The following GPAT4 variants were observed in gnomAD, a reference collection of about 807,000 sequenced individuals.
The protein encoded by GPAT4 is 1-AGP acyltransferase 6.
GPAT4 carries 17 observed loss-of-function variants against 58.0 expected under a neutral mutation model. The ratio of observed to expected loss-of-function variants is 0.29; its 90% confidence interval spans 0.20 to 0.44. GPAT4 has a LOEUF of 0.44. Among genes scored for constraint, GPAT4 ranks in the 20% least tolerant of loss-of-function variants. The probability of loss-of-function intolerance (pLI) is 1.00; values close to 1 mark genes in which losing one functional copy is unlikely to be tolerated. For missense variants in GPAT4, 377 were observed against 574.5 expected (o/e 0.66, Z 3.51); for synonymous variants, 204 against 210.1 (o/e 0.97, Z 0.25).
Position 41,620,962 on chromosome 8 carries a change from G to A in GPAT4, c.1332G>A (p.Lys444=), listed in dbSNP as rs1803730874. The A allele has an allele frequency of 1.3e-6, 2 of 1,551,486 alleles. No homozygotes were observed. The stretch of plus-strand genomic sequence containing the variant: ...AGGAGCAGCAGAAGCTGTACAGCAA[G>A]ATGATCGTGGGGAACCACAAGGACA... The part of the protein sequence containing the change: ...FKEEQQKLYS[K]MIVGNHKDRS... Residue 444 remains lysine, a synonymous_variant, in exon 13 of 13, where the codon AAG becomes AAA. Coordinates refer to ENST00000396987, the MANE Select transcript of GPAT4 (RefSeq NM_178819.4).
At chr8:41,619,654 G>T (rs138046755) in intron 12 of GPAT4, among the ~76,000 whole-genome samples, 1 of 152,154 alleles carries the variant, frequency 6.6e-6, no homozygotes, top group African/African-American at 2.4e-5. Flanking sequence ...GACTGACAGG[G>T]GTCAATGCTG....
intron 1 of GPAT4, among the ~76,000 whole-genome samples, chr8:41,580,428 C>A (rs1482960565): frequency 6.6e-6 from 1 of 152,164 alleles, no homozygotes; most frequent in African/African-American, 2.4e-5. Context: ...GCTTCTTGGA[C>A]CATGGGTTAG....
In GPAT4 at chr8:41,609,670, A is replaced by T. The variant is rs772540537; in HGVS notation, c.251A>T (p.Asp84Val). The T allele has an allele frequency of 1.2e-6, 2 of 1,612,536 alleles. No homozygotes were observed. Among genetic ancestry groups the T allele is most frequent in the African/African-American group, 2.7e-5 (2 of 74,924 alleles). Residue 84 changes from aspartate to valine, a missense_variant, in exon 4 of 13, where the codon GAT becomes GTT. Asp to Val is a radical substitution (Grantham distance 152). Transcript: ENST00000396987. ...TCTTTTGCAGGAATCATTGCAAAGG[A>T]TCCCACTTCACTAGAAGAAGAGATC... is the stretch of plus-strand genomic sequence containing the variant. ...KPYTNGIIAKDPTSLEEEIKE... is the reference protein window; with the variant it reads ...KPYTNGIIAKVPTSLEEEIKE...
In GPAT4 at chr8:41,609,639, A is replaced by G. The variant is rs2150500767; in HGVS notation, c.236-16A>G. ...TCCCCCAGCGTGCTGCTTGACAGGGACACATTCTTTTGCAGGAATCATTGC... is the reference window on the plus strand; with the variant it reads ...TCCCCCAGCGTGCTGCTTGACAGGGGCACATTCTTTTGCAGGAATCATTGC... On this transcript the variant is annotated splice_polypyrimidine_tract_variant and intron_variant, in intron 3 of 12. Transcript: ENST00000396987. 8 of 1,608,920 alleles carry G rather than the reference A, an allele frequency of 5.0e-6. No homozygotes were observed. The highest frequency in any genetic ancestry group is 6.8e-6 in the Non-Finnish European group (8 of 1,176,480).
intron 10 of GPAT4, among the ~76,000 whole-genome samples, chr8:41,615,296 G>A (rs965768183): frequency 3.3e-5 from 5 of 152,218 alleles, no homozygotes; most frequent in African/African-American, 4.8e-5. Flanking sequence ...TGCTGCTGCC[G>A]CCACCATTCG....
In GPAT4 at chr8:41,618,906, A is replaced by G. The variant is rs769444764; in HGVS notation, c.1191A>G (p.Glu397=). The change falls in exon 12 of 13, where the codon GAA becomes GAG. Residue 397 remains glutamate (E), a synonymous_variant. Transcript: ENST00000396987. ...YLPPMTREAD[E]DAVQFANRVK... is the part of the protein sequence containing the mutation. ...TTTGTTCTTTCTTACAGGCAGATGAAGATGCTGTCCAGTTTGCGAATAGGG... is the reference window on the plus strand; with the variant it reads ...TTTGTTCTTTCTTACAGGCAGATGAGGATGCTGTCCAGTTTGCGAATAGGG... 122 of 1,614,070 alleles carry G rather than the reference A, an allele frequency of 7.6e-5. 1 individual carries two copies. The highest frequency in any genetic ancestry group is 1.8e-4 in the Admixed American group (11 of 60,010).
chr8:41,618,721 G>A lies in GPAT4; in HGVS notation c.1091G>A (p.Ser364Asn), dbSNP rs1431828528. 6.2e-7 allele frequency: 1 copy of A among 1,614,218 alleles called. No individual in the cohort carries two copies. The highest frequency in any genetic ancestry group is 1.7e-5 in the Admixed American group (1 of 60,016). ...PQFGDAFWNS[S>N]KYGMVTYLLR... is the part of the protein sequence containing the mutation. ...TTTGGCGATGCCTTCTGGAACAGCA[G>A]CAAATACGGGATGGTGACGTACCTG... The change falls in exon 11 of 13, where the codon AGC (serine) becomes AAC (asparagine). Residue 364 changes from serine to asparagine, a missense_variant. Ser to Asn is a conservative substitution (Grantham distance 46). Transcript: ENST00000396987.
intron 2 of GPAT4, among the ~76,000 whole-genome samples, chr8:41,603,024 T>A (rs1450174298): frequency 6.6e-6 from 1 of 152,186 alleles, no homozygotes; most frequent in African/African-American, 2.4e-5. Context: ...ACCTTGGGGC[T>A]TAGGTTTCAA....
intron 9 of GPAT4, among the ~76,000 whole-genome samples, 186 bp downstream of exon 9, chr8:41,614,627 ATGCCATAG>A (rs1803542884): frequency 6.6e-6 from 1 of 152,220 alleles, no homozygotes; most frequent in African/African-American, 2.4e-5. Flanking sequence ...TGAACTAAGA[ATGCCATAG>A]TGTGAACTCC....
intron 1 of GPAT4, among the ~76,000 whole-genome samples, chr8:41,583,649 G>A (rs1410326711): frequency 1.3e-5 from 2 of 151,976 alleles, no homozygotes; most frequent in African/African-American, 2.4e-5. Context: ...CATTTTAAGT[G>A]CTCCAAGGTC....
chr8:41,596,790 A>G (rs1802946486), intron 1 of GPAT4, among the ~76,000 whole-genome samples: 1 of 152,196 alleles, frequency 6.6e-6, no homozygotes, highest in Non-Finnish European at 1.5e-5. Context: ...GCGGACAAGA[A>G]CACCTCAGAC....
rs993046182 is a variant in GPAT4, at chr8:41,624,520, T to C, written c.*3519T>C. ...CATGTCATAGGTCCCACCTGCCTGC[T>C]GTGCATCCCGGGTGGCCAGACTCGG... is the stretch of plus-strand genomic sequence containing the variant. On this transcript the variant is annotated 3_prime_UTR_variant, in exon 13 of 13. Transcript: ENST00000396987. The C allele has an allele frequency of 2.6e-5, 4 of 152,228 alleles. No individual in the cohort carries two copies. The highest frequency in any genetic ancestry group is 5.9e-5 in the Non-Finnish European group (4 of 68,058). 9.4% of individuals were successfully genotyped at this position (152,228 alleles called of 1,614,324 possible).
At chr8:41,620,429 C>T (rs1012442339) in intron 12 of GPAT4, among the ~76,000 whole-genome samples, 1 of 152,174 alleles carries the variant, frequency 6.6e-6, no homozygotes, top group Non-Finnish European at 1.5e-5. Context: ...ACGCGTTACC[C>T]CTTGTGTTAG....
rs779282901 is a variant in GPAT4 at position 41,615,152 on chromosome 8, G to A, written c.1053+104G>A. The A allele has an allele frequency of 5.7e-5, 58 of 1,026,076 alleles. No individual in the cohort carries two copies. The South Asian group carries it at 8.2e-4, about 14-fold the overall frequency. The allele number at this position is 1,026,076 out of a possible 1,614,324, so 63.6% of individuals were successfully genotyped here. A position where few individuals can be genotyped will look rare whatever the true frequency, so the allele number is the denominator to read the frequency against. ...GAGCTGGGGTCACCAGTCTGTGGTC[G>A]ATGCCCTCAGCAGAGTGGCGTGGGG... On this transcript the variant is annotated intron_variant, in intron 10 of 12. Transcript: ENST00000396987.
Position 41,609,610 on chromosome 8 carries a change from G to T in GPAT4, c.236-45G>T, listed in dbSNP as rs201629105. The T allele has an allele frequency of 3.4e-4, 550 of 1,605,338 alleles. No homozygotes were observed. In the African/African-American group the frequency reaches 6.7e-3, roughly 20 times the overall value. On this transcript the variant is annotated intron_variant, in intron 3 of 12. Coordinates refer to ENST00000396987, the MANE Select transcript of GPAT4 (RefSeq NM_178819.4). ...TGTGTGCTCTGAGTATGTCTCACGT[G>T]CTCTCCCCCAGCGTGCTGCTTGACA... is the stretch of plus-strand genomic sequence containing the variant.
intron 10 of GPAT4, among the ~76,000 whole-genome samples, chr8:41,617,262 G>A (rs945364371): frequency 6.6e-6 from 1 of 152,118 alleles, no homozygotes; most frequent in Non-Finnish European, 1.5e-5. Flanking sequence ...TACTCGGGAG[G>A]CTGGGGCAGG....
intron 2 of GPAT4, among the ~76,000 whole-genome samples, chr8:41,601,958 A>ATGTATGT (rs75250046): frequency 0.56 from 84,865 of 151,742 alleles, 24,394 homozygotes; most frequent in Middle Eastern, 0.71. Context: ...CAGTGGCCCA[A>ATGTATGT]ATGTATTTAT....
intron 1 of GPAT4, among the ~76,000 whole-genome samples, chr8:41,589,896 G>A (rs1160210752): frequency 1.3e-5 from 2 of 152,202 alleles, no homozygotes; most frequent in Non-Finnish European, 2.9e-5. Flanking sequence ...GACAGCAATG[G>A]TGGAGGAAAG....
At chr8:41,582,011 T>A (rs1802527093) in intron 1 of GPAT4, among the ~76,000 whole-genome samples, 1 of 132,656 alleles carries the variant, frequency 7.5e-6, no homozygotes, top group African/African-American at 2.8e-5. Context: ...TTTTTTTTTT[T>A]TTTTTTTTTT....
Sources: gnomAD v4.1 joint callset for allele counts (sites outside exome capture counted in the v4.1 genomes callset) on GRCh38, gnomAD v4.1.1 for gene constraint, MANE v1.5 for transcripts, NCBI Gene and HGNC (gene_info 2026-07-23, HGNC 2026-07-21) for gene names.